The following TMEM64 variants were observed in gnomAD, a reference collection of about 807,000 sequenced individuals.
TMEM64 encodes the protein transmembrane protein 64.
TMEM64 carries 19 observed loss-of-function variants against 24.5 expected under a neutral mutation model. The observed-to-expected ratio is 0.78, with a 90% confidence interval of 0.54 to 1.14. TMEM64 has a LOEUF of 1.14. Among genes scored for constraint, TMEM64 ranks in the 50% most tolerant of loss-of-function variants. The pLI, the probability that TMEM64 is intolerant of heterozygous loss-of-function variation, is 0.00. For missense variants in TMEM64, 487 were observed against 493.0 expected, an observed-to-expected ratio of 0.99 and a Z score of 0.12; for synonymous variants, 262 against 224.7, an observed-to-expected ratio of 1.17 and a Z score of -1.49.
At chr8:90,639,687 T>A (rs1215362087) in intron 1 of TMEM64, among the ~76,000 whole-genome samples, 1 of 152,072 alleles carries the variant, frequency 6.6e-6, no homozygotes, top group Non-Finnish European at 1.5e-5. Flanking sequence ...GTCACAAAAA[T>A]CATTAACTCA....
chr8:90,643,528 G>A (rs1809638971), intron 1 of TMEM64, among the ~76,000 whole-genome samples: 2 of 152,166 alleles, frequency 1.3e-5, no homozygotes, highest in Non-Finnish European at 2.9e-5. Context: ...ATTAACTTCT[G>A]CAGGGCTGGT....
At chr8:90,633,077 G>A (rs1444865373) in intron 1 of TMEM64, among the ~76,000 whole-genome samples, 1 of 152,192 alleles carries the variant, frequency 6.6e-6, no homozygotes, top group Non-Finnish European at 1.5e-5. Context: ...TGGTATTCAT[G>A]CCCTTGTGTG....
rs1809694353 is a variant in TMEM64 at position 90,645,855 on chromosome 8, C to G, written c.51G>C (p.Gln17His). ...CGGCGAGGCCCGGGAGGGCGGCGTG[C>G]TGCAGCAGCCGGGGCAGCGCCTGGA... ...ILLQALPRLL[Q>H]HAALPGLAEL... The change falls in exon 1 of 3, where the codon CAG (glutamine) becomes CAC (histidine). Residue 17 changes from glutamine (Q) to histidine (H), a missense_variant. By Grantham distance (24) the Gln-to-His change is conservative. This residue lies in a region of TMEM64 where 419 missense variants were observed against 407.5 expected (regional missense o/e 1.03). Transcript: ENST00000458549. This position sits in a 1 kb window ranked among gnomAD's most constrained non-coding sequence, Gnocchi z 4.2. 1.1e-5 allele frequency: 13 copies of G among 1,131,062 alleles called. No individual in the cohort carries two copies. Among genetic ancestry groups the G allele is most frequent in the Non-Finnish European group, 1.3e-5 (12 of 923,740 alleles). The allele number at this position is 1,131,062 out of a possible 1,614,324, so 70.1% of individuals were successfully genotyped here. A position where few individuals can be genotyped will look rare whatever the true frequency, so the allele number is the denominator to read the frequency against.
intron 1 of TMEM64, among the ~76,000 whole-genome samples, chr8:90,633,730 AATG>A (rs1407483015): frequency 3.9e-5 from 6 of 152,346 alleles, no homozygotes; most frequent in African/African-American, 4.8e-5. Flanking sequence ...TAGGAGTAAA[AATG>A]ATGTTTCATC....
Position 90,645,447 on chromosome 8 carries a change from G to T in TMEM64, c.459C>A (p.Ser153Arg). The T allele has an allele frequency of 6.4e-7, 1 of 1,551,546 alleles. No homozygotes were observed. The change falls in exon 1 of 3, where the codon AGC (serine) becomes AGA (arginine). Residue 153 changes from serine (S) to arginine (R), a missense_variant. Transcript: ENST00000458549. This position sits in a 1 kb window ranked among gnomAD's most constrained non-coding sequence, Gnocchi z 4.2. ...GCAGGACCCCCAGCAGCGAGTCAAG[G>T]CTCTCCACCCACAGCAGGAGGTGGT... Reference protein sequence around the residue: ...YLHHLLLWVESLDSLLGVLLF... With the variant: ...YLHHLLLWVERLDSLLGVLLF...
intron 1 of TMEM64, among the ~76,000 whole-genome samples, chr8:90,637,362 C>A (rs1018850371): frequency 6.6e-6 from 1 of 152,066 alleles, no homozygotes; most frequent in African/African-American, 2.4e-5. Flanking sequence ...ATTTAACCCA[C>A]CCAGAAACTT....
At chr8:90,628,248 G>C (rs1040403428) in intron 2 of TMEM64, among the ~76,000 whole-genome samples, 5 of 152,190 alleles carry the variant, frequency 3.3e-5, no homozygotes, top group Non-Finnish European at 7.3e-5. Flanking sequence ...ATCTCTTAAT[G>C]CTAACTGGAA....
chr8:90,624,871 A>C lies in TMEM64; in HGVS notation c.*800T>G, dbSNP rs1809330951. The C allele has an allele frequency of 1.3e-5, 2 of 152,530 alleles. No individual in the cohort carries two copies. The highest frequency in any genetic ancestry group is 2.4e-5 in the African/African-American group (1 of 41,436). 9.4% of individuals were successfully genotyped at this position (152,530 alleles called of 1,614,324 possible). A position where few individuals can be genotyped will look rare whatever the true frequency, so the allele number is the denominator to read the frequency against. The stretch of plus-strand genomic sequence containing the variant: ...AAGGAAAAGAGTTTATTTTAACAAA[A>C]TGTTTTAGTAAGATTGCAATGGGAC... On this transcript the variant is annotated 3_prime_UTR_variant, in exon 3 of 3. Transcript: ENST00000458549.
At position 90,645,932 on chromosome 8, in the gene TMEM64, C is replaced by A; in HGVS notation, c.-27G>T. The A allele has an allele frequency of 1.8e-6, 2 of 1,124,990 alleles. No individual in the cohort carries two copies. Among genetic ancestry groups the A allele is most frequent in the Non-Finnish European group, 1.1e-6 (1 of 916,976 alleles). The allele number at this position is 1,124,990 out of a possible 1,614,324, so 69.7% of individuals were successfully genotyped here. On this transcript the variant is annotated 5_prime_UTR_variant, in exon 1 of 3. Coordinates refer to ENST00000458549, the MANE Select transcript of TMEM64 (RefSeq NM_001008495.4). The surrounding 1 kb of genome is among the most constrained non-coding windows in gnomAD (Gnocchi z 4.2). ...CCTCGGCCCAGCGCGGGCCCTCAGC[C>A]GGCCAGCCCCTCCGCCGCGGCGCCC...
rs186950331 is a variant in TMEM64, at chr8:90,643,323, T to A, written c.795+1788A>T. On this transcript the variant is annotated intron_variant, in intron 1 of 2. Transcript: ENST00000458549. ...GTTAAGCCAGGCTCTGCTGCATGTATTCATCTCATGTAATCTTCTCAATAA... is the reference window on the plus strand; with the variant it reads ...GTTAAGCCAGGCTCTGCTGCATGTAATCATCTCATGTAATCTTCTCAATAA... Among the ~76,000 whole-genome samples the A allele has an allele frequency of 9.2e-4, 140 of 152,314 alleles. 1 individual carries two copies. Among genetic ancestry groups the A allele is most frequent in the Non-Finnish European group, 7.5e-4 (51 of 68,020 alleles).
intron 1 of TMEM64, among the ~76,000 whole-genome samples, chr8:90,637,918 T>C (rs893308032): frequency 2.0e-5 from 3 of 152,202 alleles, no homozygotes; most frequent in African/African-American, 7.2e-5. Context: ...CTTTTCTGTG[T>C]TCCCAATCTC....
intron 2 of TMEM64, 96 bp from the exon 3 acceptor site, chr8:90,625,958 G>A: frequency 1.1e-6 from 1 of 875,478 alleles, no homozygotes; most frequent in Non-Finnish European, 1.7e-6. Context: ...CTTCAAACAG[G>A]GTGCTTCTCA....
At position 90,645,744 on chromosome 8, in the gene TMEM64, C is replaced by G. The variant is rs1025765507; in HGVS notation, c.162G>C (p.Ala54=). ...CCGAGGCCGCCGCTGCTGCCGCCGC[C>G]GCGCTCGCCCCGCCCCCGCGGGGAA... is the stretch of plus-strand genomic sequence containing the variant. ...DRLPRGGGAS[A]AAAAAAASGA... Residue 54 remains alanine (A), a synonymous_variant, in exon 1 of 3, where the codon GCG becomes GCC. Transcript: ENST00000458549. The surrounding 1 kb of genome is among the most constrained non-coding windows in gnomAD (Gnocchi z 4.2). 34 of 1,105,666 alleles carry G rather than the reference C, an allele frequency of 3.1e-5. No homozygotes were observed. In the South Asian group the frequency reaches 1.1e-3, roughly 35 times the overall value. 68.5% of individuals were successfully genotyped at this position (1,105,666 alleles called of 1,614,324 possible).
At chr8:90,635,367 CATTTTATTTTATTTT>C (rs540790616) in intron 1 of TMEM64, among the ~76,000 whole-genome samples, 11 of 149,324 alleles carry the variant, frequency 7.4e-5, no homozygotes, top group Admixed American at 3.3e-4. Context: ...GCTTCCAAAT[CATTTTATTTTATTTT>C]ATTTTATTTT....
At chr8:90,633,152 G>A (rs1023331888) in intron 1 of TMEM64, among the ~76,000 whole-genome samples, 7 of 152,208 alleles carry the variant, frequency 4.6e-5, no homozygotes, top group African/African-American at 1.4e-4. Flanking sequence ...AAGAGCAGAA[G>A]TGAGGAGATG....
At chr8:90,640,206 G>A (rs777027608) in intron 1 of TMEM64, among the ~76,000 whole-genome samples, 8 of 152,066 alleles carry the variant, frequency 5.3e-5, no homozygotes, top group South Asian at 2.1e-4. Context: ...CACTGGCAGC[G>A]AATCATTACA....
intron 2 of TMEM64, among the ~76,000 whole-genome samples, chr8:90,626,679 G>A (rs1586125126): frequency 7.2e-6 from 1 of 139,238 alleles, no homozygotes; most frequent in East Asian, 2.1e-4. Flanking sequence ...CGCCCAGGCT[G>A]CAGTGCAGTG....
intron 1 of TMEM64, among the ~76,000 whole-genome samples, chr8:90,642,413 A>AT (rs571669070): frequency 6.6e-6 from 1 of 151,398 alleles, no homozygotes; most frequent in Non-Finnish European, 1.5e-5. Flanking sequence ...TTTAACTGGA[A>AT]TTTTTTTCTT....
intron 1 of TMEM64, among the ~76,000 whole-genome samples, chr8:90,643,103 T>G (rs1054681068): frequency 6.6e-6 from 1 of 152,212 alleles, no homozygotes; most frequent in Non-Finnish European, 1.5e-5. Flanking sequence ...TTATTGTCAG[T>G]CGATAAATAC....
Sources: allele counts gnomAD v4.1 joint callset (sites outside exome capture counted in the v4.1 genomes callset), GRCh38; gene constraint gnomAD v4.1.1; regional missense constraint gnomAD v4.1.1; non-coding constraint Gnocchi (gnomAD v3.1); transcripts MANE v1.5; gene names NCBI Gene and HGNC (gene_info 2026-07-23, HGNC 2026-07-21).